The following FOCAD variants were observed in gnomAD, a reference collection of about 807,000 sequenced individuals.
FOCAD encodes the protein KIAA1797.
Under a neutral mutation model 225.6 loss-of-function variants are expected in FOCAD, and 198 were observed. The ratio of observed to expected loss-of-function variants is 0.88; its 90% CI spans 0.78 to 0.99. FOCAD has a LOEUF of 0.99. Ranked by LOEUF, FOCAD falls within the 50% of genes least tolerant of loss-of-function variation. The pLI is 0.00. For missense variants in FOCAD, 2,713 were observed against 2,123.6 expected (o/e 1.28, Z -5.46); for synonymous variants, 897 against 755.0 (o/e 1.19, Z -3.08).
intron 15 of FOCAD, among the ~76,000 whole-genome samples, chr9:20,828,560 G>C (rs892574521): frequency 1.3e-5 from 2 of 152,072 alleles, no homozygotes; most frequent in Non-Finnish European, 2.9e-5. Context: ...AGCATTGTAA[G>C]AAGGTTCTAA....
intron 11 of FOCAD, among the ~76,000 whole-genome samples, chr9:20,817,797 T>G (rs1469306257): frequency 6.6e-6 from 1 of 152,188 alleles, no homozygotes; most frequent in Non-Finnish European, 1.5e-5. Flanking sequence ...TTGATGGACA[T>G]TGGGTTGTTT....
chr9:20,858,744 C>G (rs376294159), intron 15 of FOCAD, among the ~76,000 whole-genome samples: 1 of 152,180 alleles, frequency 6.6e-6, no homozygotes, highest in East Asian at 1.9e-4. Flanking sequence ...CAACTTTCCT[C>G]TTAGTACTGC....
At chr9:20,980,276 G>A (rs1326176650) in intron 37 of FOCAD, among the ~76,000 whole-genome samples, 2 of 152,222 alleles carry the variant, frequency 1.3e-5, no homozygotes, top group East Asian at 1.9e-4. Flanking sequence ...GGCAAATGGA[G>A]GTCAAGCAAA....
rs762151102 is a variant in FOCAD, at chr9:20,770,098, C to T, written c.766C>T (p.Arg256Cys). 1.7e-5 allele frequency: 27 copies of T among 1,613,904 alleles called. No individual in the cohort carries two copies. In the Middle Eastern group the frequency reaches 4.9e-4, roughly 29 times the overall value. ...FIEEVCLSLL[R>C]HPVFWKIQLT... ...TGAGGAAGTATGTTTAAGCCTTTTG[C>T]GTCATCCTGTTTTCTGGAAAATTCA... Residue 256 changes from arginine to cysteine, a missense_variant, in exon 8 of 44, where the codon CGT (arginine) becomes TGT (cysteine). Arg to Cys is a radical substitution (Grantham distance 180). Transcript: ENST00000338382.
Position 20,913,979 on chromosome 9 carries a change from T to C in FOCAD, c.2807+1025T>C, listed in dbSNP as rs1414075676. Among the ~76,000 whole-genome samples the C allele has an allele frequency of 3.3e-5, 5 of 152,042 alleles. No homozygotes were observed. The East Asian group carries it at 9.6e-4, about 29-fold the overall frequency. Reference sequence around the variant, plus strand: ...GTCCCTAGAAGTTTCTTAAGAATGATTTCGGCTGGATGTGGTGGTTCATGC... The same window carrying C: ...GTCCCTAGAAGTTTCTTAAGAATGACTTCGGCTGGATGTGGTGGTTCATGC... On this transcript the variant is annotated intron_variant, in intron 23 of 43. Coordinates refer to ENST00000338382, the MANE Select transcript of FOCAD (RefSeq NM_001375567.1).
intron 34 of FOCAD, among the ~76,000 whole-genome samples, 180 bp downstream of exon 34, chr9:20,951,278 G>C (rs1837663292): frequency 6.6e-6 from 1 of 152,186 alleles, no homozygotes; most frequent in African/African-American, 2.4e-5. Context: ...AGGGTCATGT[G>C]ACAGTAAGTG....
At chr9:20,975,822 A>T (rs1191064548) in intron 35 of FOCAD, among the ~76,000 whole-genome samples, 2 of 152,182 alleles carry the variant, frequency 1.3e-5, no homozygotes, top group Admixed American at 6.6e-5. Flanking sequence ...GAAGCTAAAA[A>T]AGTTGATCTC....
At chr9:20,959,749 A>C (rs1485307906) in intron 35 of FOCAD, among the ~76,000 whole-genome samples, 1 of 152,050 alleles carries the variant, frequency 6.6e-6, no homozygotes, top group African/African-American at 2.4e-5. Context: ...TTTTCTGTCT[A>C]TGGATATCCA....
chr9:20,894,035 C>T (rs949770012), intron 21 of FOCAD, among the ~76,000 whole-genome samples: 6 of 152,062 alleles, frequency 3.9e-5, no homozygotes, highest in Admixed American at 2.0e-4. Flanking sequence ...TCCCATTCAT[C>T]CCTTCCTTCT....
intron 28 of FOCAD, among the ~76,000 whole-genome samples, chr9:20,939,334 C>T (rs904303964): frequency 1.3e-5 from 2 of 152,002 alleles, no homozygotes; most frequent in African/African-American, 4.8e-5. Context: ...CCTTTTACAA[C>T]CTAGGAATAA....
At position 20,944,748 on chromosome 9, in the gene FOCAD, G is replaced by A. The variant is rs200704189; in HGVS notation, c.3529G>A (p.Gly1177Arg). 2.6e-4 allele frequency: 418 copies of A among 1,613,502 alleles called. No homozygotes were observed. The highest frequency in any genetic ancestry group is 3.4e-4 in the Non-Finnish European group (400 of 1,179,744). The change falls in exon 29 of 44, where the codon GGG becomes AGG. Residue 1177 changes from glycine to arginine, a missense_variant. Coordinates refer to ENST00000338382, the MANE Select transcript of FOCAD (RefSeq NM_001375567.1). ...RKLSAHVDDS[G>R]SQSRTFQEVL... is the part of the protein sequence containing the mutation. ...GCTGTCTGCGCACGTAGATGACAGC[G>A]GGAGCCAGAGCAGAACGTTTCAGGA...
At chr9:20,724,420 A>G (rs1826033348) in intron 4 of FOCAD, among the ~76,000 whole-genome samples, 1 of 152,172 alleles carries the variant, frequency 6.6e-6, no homozygotes, top group East Asian at 1.9e-4. Flanking sequence ...ATAATAAGCA[A>G]ATATAGGAGT....
intron 30 of FOCAD, 35 bp from the exon 31 acceptor site, chr9:20,948,231 TTTTTC>T: frequency 1.9e-6 from 3 of 1,551,134 alleles, no homozygotes; most frequent in East Asian, 2.3e-5. Flanking sequence ...GTGTCTTTTT[TTTTTC>T]TTTTTCTTAC....
chr9:20,845,441 C>T lies in FOCAD; in HGVS notation c.1921-17137C>T, dbSNP rs911906578. On this transcript the variant is annotated intron_variant, in intron 15 of 43. Transcript: ENST00000338382. ...TGATATATTTTATGCATCTTTTCCT[C>T]GATATATATATATATATATATATAT... Among the ~76,000 whole-genome samples, 9 of 48,056 alleles carry T rather than the reference C, an allele frequency of 1.9e-4. 1 individual carries two copies. The highest frequency in any genetic ancestry group is 5.9e-4 in the African/African-American group (9 of 15,150). 31.5% of individuals were successfully genotyped at this position (48,056 alleles called of 152,430 possible).
chr9:20,842,127 A>AT (rs60066147), intron 15 of FOCAD, among the ~76,000 whole-genome samples: 87,989 of 149,698 alleles, frequency 0.59, 25,889 homozygotes, highest in East Asian at 0.67. Flanking sequence ...ACTTTACATG[A>AT]TTTTTTTTTT....
chr9:20,862,906 G>C (rs1031113765), intron 16 of FOCAD, 194 bp downstream of exon 16: 17 of 418,800 alleles, frequency 4.1e-5, no homozygotes, highest in Middle Eastern at 1.2e-3. Context: ...TTACATAAAG[G>C]ATACCAACTT....
chr9:20,935,464 A>C (rs1169537577), intron 28 of FOCAD, among the ~76,000 whole-genome samples: 6 of 152,102 alleles, frequency 3.9e-5, no homozygotes, highest in Admixed American at 3.9e-4. Flanking sequence ...GCAATGGTGG[A>C]ATCTTGGCTC....
intron 23 of FOCAD, among the ~76,000 whole-genome samples, chr9:20,913,474 C>T (rs1446260092): frequency 3.3e-5 from 5 of 152,058 alleles, no homozygotes; most frequent in Non-Finnish European, 5.9e-5. Context: ...CTCATAAAAG[C>T]AACTTAAACT....
chr9:20,870,699 G>A (rs1829686532), intron 18 of FOCAD, among the ~76,000 whole-genome samples: 2 of 152,152 alleles, frequency 1.3e-5, no homozygotes, highest in Non-Finnish European at 2.9e-5. Flanking sequence ...ATAGTGTTCT[G>A]TGTTACCAGA....
Sources: allele counts gnomAD v4.1 joint callset (sites outside exome capture counted in the v4.1 genomes callset), GRCh38; gene constraint gnomAD v4.1.1; transcripts MANE v1.5; gene names NCBI Gene and HGNC (gene_info 2026-07-23, HGNC 2026-07-21).